Variants in FHOD3 observed in about 807,000 individuals in gnomAD.
FHOD3 encodes formin homology 2 domain containing 3, also known as FH1/FH2 domain-containing protein 3.
In FHOD3, 90 loss-of-function variants were observed where a neutral mutation model predicts 173.0. That is an observed-to-expected ratio of 0.52 (90% CI 0.44 to 0.62). The LOEUF (loss-of-function observed/expected upper bound fraction) is 0.62, where lower values mean the gene tolerates loss of function less well. Ranked by LOEUF, FHOD3 falls within the 20% of genes least tolerant of loss-of-function variation. FHOD3 has a pLI of 0.00. For missense variants in FHOD3, 1,945 were observed against 2,034.7 expected (o/e 0.96, Z 0.85); for synonymous variants, 828 against 823.0 (o/e 1.01, Z -0.10).
chr18:36,612,192 C>A, intron 9 of FHOD3, 97 bp downstream of exon 9: 3 of 1,309,578 alleles, frequency 2.3e-6, no homozygotes, highest in Non-Finnish European at 1.0e-6. Flanking sequence ...AGCGTATGAG[C>A]ACCACCAGCT....
intron 24 of FHOD3, among the ~76,000 whole-genome samples, chr18:36,752,826 A>G (rs1028855771): frequency 6.6e-6 from 1 of 152,180 alleles, no homozygotes; most frequent in African/African-American, 2.4e-5. Context: ...CAGAATGTTA[A>G]TCTATTAGAA....
At chr18:36,326,507 C>T (rs1034420957) in intron 1 of FHOD3, among the ~76,000 whole-genome samples, 3 of 152,100 alleles carry the variant, frequency 2.0e-5, no homozygotes, top group African/African-American at 7.3e-5. Context: ...TTGCTCACGC[C>T]TTGTAATCCC....
intron 11 of FHOD3, among the ~76,000 whole-genome samples, chr18:36,649,617 T>A (rs533072132): frequency 2.0e-5 from 3 of 152,204 alleles, no homozygotes; most frequent in Non-Finnish European, 4.4e-5. Flanking sequence ...ATTGAAATCC[T>A]ACCTTCCTAA....
At chr18:36,599,824 A>T (rs2031080066) in intron 7 of FHOD3, among the ~76,000 whole-genome samples, 1 of 152,126 alleles carries the variant, frequency 6.6e-6, no homozygotes, top group South Asian at 2.1e-4. Flanking sequence ...CTGATATTTG[A>T]GTATCTATCA....
At chr18:36,340,108 G>A (rs1598765582) in intron 1 of FHOD3, among the ~76,000 whole-genome samples, 3 of 152,116 alleles carry the variant, frequency 2.0e-5, no homozygotes, top group Admixed American at 6.6e-5. Context: ...TTGTTTGAAC[G>A]AATGTGAACA....
chr18:36,686,976 T>C (rs1486284308), intron 15 of FHOD3, 152 bp from the exon 16 acceptor site: 3 of 570,896 alleles, frequency 5.3e-6, no homozygotes, highest in Non-Finnish European at 9.2e-6. Flanking sequence ...GTACAGGCTT[T>C]AAACTTTTAA....
chr18:36,344,927 A>C lies in FHOD3; in HGVS notation c.166-10612A>C, dbSNP rs1374908907. ...CTCTTCAGGCAGGAAATATTACTAG[A>C]GAGAAGGAGGAAATCTCATAGTGCT... On this transcript the variant is annotated intron_variant, in intron 1 of 28. Transcript: ENST00000590592. Among the ~76,000 whole-genome samples, 3 of 152,328 alleles carry C rather than the reference A, an allele frequency of 2.0e-5. No individual in the cohort carries two copies. The East Asian group carries it at 5.8e-4, about 29-fold the overall frequency.
intron 8 of FHOD3, among the ~76,000 whole-genome samples, chr18:36,609,620 T>C (rs1213773532): frequency 6.7e-6 from 1 of 149,184 alleles, no homozygotes; most frequent in Non-Finnish European, 1.5e-5. Flanking sequence ...TTTTTTTTTT[T>C]TTTTTTTGAG....
At chr18:36,625,864 C>T (rs1461748131) in intron 10 of FHOD3, 115 bp downstream of exon 10, 1 of 823,448 alleles carries the variant, frequency 1.2e-6, no homozygotes, top group East Asian at 2.9e-5. Context: ...CCCAGCATTG[C>T]TCCCTACCTC....
intron 3 of FHOD3, among the ~76,000 whole-genome samples, chr18:36,487,402 A>G (rs1219641015): frequency 2.0e-5 from 3 of 152,238 alleles, no homozygotes. Flanking sequence ...GCACACAGGC[A>G]GTAAGTGCCT....
At chr18:36,468,445 C>T (rs371294236) in intron 3 of FHOD3, among the ~76,000 whole-genome samples, 4 of 152,208 alleles carry the variant, frequency 2.6e-5, no homozygotes, top group African/African-American at 7.2e-5. Context: ...GCAGCAACAC[C>T]GGAATGCACA....
chr18:36,633,666 C>T (rs925728129), intron 10 of FHOD3, among the ~76,000 whole-genome samples: 23 of 152,114 alleles, frequency 1.5e-4, no homozygotes, highest in African/African-American at 5.6e-4. Flanking sequence ...GCACTCAGAA[C>T]CTAACATACC....
At chr18:36,557,183 G>C (rs1336660132) in intron 5 of FHOD3, among the ~76,000 whole-genome samples, 1 of 152,012 alleles carries the variant, frequency 6.6e-6, no homozygotes, top group African/African-American at 2.4e-5. Flanking sequence ...TCTTGGATCT[G>C]TTGGTTTACA....
At chr18:36,520,675 A>G (rs547732444) in intron 5 of FHOD3, among the ~76,000 whole-genome samples, 3 of 152,338 alleles carry the variant, frequency 2.0e-5, no homozygotes, top group Non-Finnish European at 4.4e-5. Context: ...TTAAAGAGCC[A>G]TTGTTGTCTC....
intron 5 of FHOD3, among the ~76,000 whole-genome samples, chr18:36,547,328 G>T (rs1386361173): frequency 6.6e-6 from 1 of 152,204 alleles, no homozygotes; most frequent in Non-Finnish European, 1.5e-5. Flanking sequence ...GAGACTCACA[G>T]GAGAGCCACC....
intron 15 of FHOD3, among the ~76,000 whole-genome samples, chr18:36,684,559 G>C (rs1335924915): frequency 1.3e-5 from 2 of 151,992 alleles, no homozygotes; most frequent in East Asian, 3.9e-4. Flanking sequence ...AATTAAAATA[G>C]AAAATTTGTC....
chr18:36,396,304 T>G (rs963763116), intron 3 of FHOD3, among the ~76,000 whole-genome samples: 4 of 152,196 alleles, frequency 2.6e-5, no homozygotes, highest in Non-Finnish European at 5.9e-5. Flanking sequence ...AGTTTTCTTA[T>G]AGTTTTCAAT....
intron 6 of FHOD3, among the ~76,000 whole-genome samples, chr18:36,588,823 C>T (rs182012397): frequency 3.6e-4 from 55 of 152,276 alleles, no homozygotes; most frequent in African/African-American, 1.3e-3. Context: ...AGGTTCTGTA[C>T]AGGCAACTCC....
chr18:36,730,178 G>T (rs1265531286), intron 19 of FHOD3, among the ~76,000 whole-genome samples: 1 of 152,138 alleles, frequency 6.6e-6, no homozygotes, highest in African/African-American at 2.4e-5. Flanking sequence ...ATCTGGAGGG[G>T]CTGACAGGCC....
Sources: gnomAD v4.1 joint callset for allele counts (sites outside exome capture counted in the v4.1 genomes callset) on GRCh38, gnomAD v4.1.1 for gene constraint, MANE v1.5 for transcripts, NCBI Gene and HGNC (gene_info 2026-07-23, HGNC 2026-07-21) for gene names.